Variants in KCNG2 observed in about 807,000 individuals in gnomAD.
KCNG2 encodes voltage-gated potassium channel regulatory subunit KCNG2.
KCNG2 carries 7 observed loss-of-function variants against 12.3 expected under a neutral mutation model. That is an observed-to-expected ratio of 0.57 (90% CI 0.32 to 1.07). The LOEUF (loss-of-function observed/expected upper bound fraction) is 1.07, where lower values mean the gene tolerates loss of function less well. KCNG2 is among the 50% of genes least tolerant of loss of function. The pLI is 0.04. For missense variants in KCNG2, 703 were observed against 726.0 expected (o/e 0.97, Z 0.36); for synonymous variants, 414 against 351.4 (o/e 1.18, Z -1.99).
At chr18:79,807,560 T>C (rs886815775) in intron 1 of KCNG2, among the ~76,000 whole-genome samples, 4 of 152,204 alleles carry the variant, frequency 2.6e-5, no homozygotes, top group Non-Finnish European at 5.9e-5. Flanking sequence ...GTGACTCCCA[T>C]GTACGTGGCC....
intron 1 of KCNG2, among the ~76,000 whole-genome samples, chr18:79,827,927 C>CTTTTTTT: frequency 7.1e-6 from 1 of 141,116 alleles, no homozygotes; most frequent in Non-Finnish European, 1.5e-5. Context: ...TTCTTTCTTT[C>CTTTTTTT]TTTTTTTTTT....
intron 1 of KCNG2, among the ~76,000 whole-genome samples, chr18:79,827,758 C>G (rs55817762): frequency 0.094 from 14,280 of 152,262 alleles, 902 homozygotes; most frequent in Non-Finnish European, 0.13. Flanking sequence ...GGGCTGGACC[C>G]AAGTCTCTCC....
At chr18:79,847,487 AGTGC>A (rs1473306702) in intron 1 of KCNG2, among the ~76,000 whole-genome samples, 2 of 152,238 alleles carry the variant, frequency 1.3e-5, no homozygotes, top group African/African-American at 2.4e-5. Flanking sequence ...TTTACCCGGC[AGTGC>A]GGACCACGCT....
At chr18:79,866,019 T>A (rs1979511883) in intron 3 of KCNG2, among the ~76,000 whole-genome samples, 1 of 145,256 alleles carries the variant, frequency 6.9e-6, no homozygotes, top group Admixed American at 6.8e-5. Flanking sequence ...GAGGTCTGGG[T>A]GCTGAGAGGT....
chr18:79,848,079 G>A (rs758359252), intron 1 of KCNG2, among the ~76,000 whole-genome samples: 20 of 152,280 alleles, frequency 1.3e-4, no homozygotes, highest in Non-Finnish European at 2.4e-4. Context: ...TGAGCACAGC[G>A]AACTTGCAGA....
intron 1 of KCNG2, among the ~76,000 whole-genome samples, chr18:79,840,366 A>G (rs1334057159): frequency 1.3e-5 from 2 of 152,210 alleles, no homozygotes; most frequent in African/African-American, 2.4e-5. Flanking sequence ...ACCCTTTACA[A>G]TTGTTCAACA....
At chr18:79,855,531 G>A (rs1978979393) in intron 1 of KCNG2, among the ~76,000 whole-genome samples, 1 of 152,064 alleles carries the variant, frequency 6.6e-6, no homozygotes, top group African/African-American at 2.4e-5. Flanking sequence ...GCGTGATCAT[G>A]TCTTGGCTGT....
chr18:79,852,085 A>C (rs987666494), intron 1 of KCNG2, among the ~76,000 whole-genome samples: 1 of 152,202 alleles, frequency 6.6e-6, no homozygotes, highest in Non-Finnish European at 1.5e-5. Context: ...TTAACGCTGC[A>C]ATGAGGCTCT....
intron 1 of KCNG2, among the ~76,000 whole-genome samples, chr18:79,813,273 A>G (rs1485545819): frequency 6.6e-6 from 1 of 152,270 alleles, no homozygotes; most frequent in African/African-American, 2.4e-5. Flanking sequence ...AGCAATGAAT[A>G]AAGTTGCTGC....
intron 3 of KCNG2, among the ~76,000 whole-genome samples, chr18:79,865,240 GA>G (rs1432814098): frequency 1.4e-5 from 2 of 142,478 alleles, no homozygotes; most frequent in Non-Finnish European, 1.5e-5. Flanking sequence ...TGTGTGCTGA[GA>G]GTGTGGGTGC....
intron 1 of KCNG2, among the ~76,000 whole-genome samples, chr18:79,844,064 A>G (rs780182586): frequency 1.3e-5 from 2 of 152,240 alleles, no homozygotes; most frequent in Non-Finnish European, 1.5e-5. Context: ...GGTAACCAAA[A>G]GAGAGCAGGG....
At chr18:79,811,358 T>C (rs61643748) in intron 1 of KCNG2, among the ~76,000 whole-genome samples, 14,981 of 152,288 alleles carry the variant, frequency 0.098, 1,306 homozygotes, top group South Asian at 0.35. Context: ...TAGTGTGGTA[T>C]TGGCATAAGG....
At chr18:79,862,050 C>G (rs377341409) in intron 2 of KCNG2, among the ~76,000 whole-genome samples, 5 of 152,314 alleles carry the variant, frequency 3.3e-5, no homozygotes, top group African/African-American at 1.2e-4. Flanking sequence ...ACAAATTCCT[C>G]TAGCTCTTTG....
intron 3 of KCNG2, among the ~76,000 whole-genome samples, chr18:79,870,821 G>A (rs559941721): frequency 6.6e-6 from 1 of 152,318 alleles, no homozygotes; most frequent in African/African-American, 2.4e-5. Context: ...TCTTCTGCAC[G>A]TGGGCAGACG....
At chr18:79,841,389 GA>G (rs1978455781) in intron 1 of KCNG2, among the ~76,000 whole-genome samples, 1 of 151,838 alleles carries the variant, frequency 6.6e-6, no homozygotes, top group Admixed American at 6.6e-5. Flanking sequence ...GCCAATAAAA[GA>G]AAAAAAGGAT....
chr18:79,894,941 AATGTT>A (rs1341778236), intron 3 of KCNG2, among the ~76,000 whole-genome samples: 1 of 149,902 alleles, frequency 6.7e-6, no homozygotes. Flanking sequence ...ATTCACATCT[AATGTT>A]ACGATTGATA....
intron 1 of KCNG2, among the ~76,000 whole-genome samples, chr18:79,832,449 A>C (rs565141661): frequency 7.6e-6 from 1 of 131,080 alleles, no homozygotes; most frequent in East Asian, 2.4e-4. Context: ...TTACCTGCTC[A>C]TCCTCACCTG....
chr18:79,842,539 G>A (rs1978493030), intron 1 of KCNG2, among the ~76,000 whole-genome samples: 1 of 152,138 alleles, frequency 6.6e-6, no homozygotes, highest in South Asian at 2.1e-4. Context: ...CAAACAGCCT[G>A]ACAAAGAATT....
chr18:79,835,233 C>A (rs1261190857), intron 1 of KCNG2, among the ~76,000 whole-genome samples: 1 of 152,206 alleles, frequency 6.6e-6, no homozygotes, highest in Non-Finnish European at 1.5e-5. Flanking sequence ...CCAACCGCAG[C>A]AGAGCCAGCA....
Sources: gnomAD v4.1 joint callset for allele counts (sites outside exome capture counted in the v4.1 genomes callset) on GRCh38, gnomAD v4.1.1 for gene constraint, MANE v1.5 for transcripts, NCBI Gene and HGNC (gene_info 2026-07-23, HGNC 2026-07-21) for gene names.